Variants in CLDN16 observed in about 807,000 individuals in gnomAD.
The protein encoded by CLDN16 is claudin-16.
A neutral mutation model predicts 24.6 loss-of-function variants in CLDN16; 13 were observed. That is an observed-to-expected ratio of 0.53 (90% CI 0.34 to 0.84). The LOEUF is 0.84. Ranked by LOEUF, CLDN16 falls within the 40% of genes least tolerant of loss-of-function variation. CLDN16 has a pLI of 0.01. For missense variants in CLDN16, 298 were observed against 292.7 expected (o/e 1.02, Z -0.13); for synonymous variants, 116 against 106.7 (o/e 1.09, Z -0.54).
At chr3:190,305,840 AT>A in the CLDN16 span, 1 of 152,192 alleles carries the variant, frequency 6.6e-6, no homozygotes, top group Admixed American at 6.5e-5. Flanking sequence ...AATTGGATAA[AT>A]TCTATTGTAA....
chr3:190,317,482 A>C, the CLDN16 span, among the ~76,000 whole-genome samples: 2 of 152,226 alleles, frequency 1.3e-5, no homozygotes, highest in Non-Finnish European at 2.9e-5. Flanking sequence ...GATCTACTAC[A>C]CTTAGGTTAA....
At chr3:190,291,243 A>G in the CLDN16 span, among the ~76,000 whole-genome samples, 1 of 152,178 alleles carries the variant, frequency 6.6e-6, no homozygotes, top group African/African-American at 2.4e-5. Flanking sequence ...CAGAGAAACA[A>G]AAGGCCATGT....
intron 1 of CLDN16, 146 bp from the exon 2 acceptor site, chr3:190,402,191 C>T (rs1364673026): frequency 1.4e-6 from 1 of 711,396 alleles, no homozygotes; most frequent in Non-Finnish European, 2.6e-6. Context: ...TTCTAATACG[C>T]ATTGTTTGTT....
At chr3:190,308,307 A>G in the CLDN16 span, 1 of 1,613,756 alleles carries the variant, frequency 6.2e-7, no homozygotes, top group Non-Finnish European at 8.5e-7. Flanking sequence ...TGGAAGGTGC[A>G]GGTTTTGGAT....
chr3:190,402,833 C>G (rs1403385626), intron 2 of CLDN16, among the ~76,000 whole-genome samples: 3 of 152,018 alleles, frequency 2.0e-5, no homozygotes, highest in Admixed American at 6.6e-5. Context: ...TAAGCTATGA[C>G]TTAGTTCAAA....
At chr3:190,293,290 A>G in the CLDN16 span, among the ~76,000 whole-genome samples, 3 of 152,160 alleles carry the variant, frequency 2.0e-5, no homozygotes, top group Non-Finnish European at 2.9e-5. Flanking sequence ...CACCCCCATG[A>G]TCCTATCATC....
chr3:190,343,721 T>G (rs1470176420), intron 1 of CLDN16, among the ~76,000 whole-genome samples: 1 of 152,042 alleles, frequency 6.6e-6, no homozygotes, highest in African/African-American at 2.4e-5. Flanking sequence ...AAATATCACA[T>G]GACTTCACTT....
At chr3:190,363,447 T>C (rs1717943876) in intron 1 of CLDN16, among the ~76,000 whole-genome samples, 1 of 150,598 alleles carries the variant, frequency 6.6e-6, no homozygotes. Flanking sequence ...TATATGTAGG[T>C]TCACTTCTAC....
chr3:190,349,273 A>C (rs1198268469), intron 1 of CLDN16, among the ~76,000 whole-genome samples: 2 of 152,104 alleles, frequency 1.3e-5, no homozygotes, highest in Non-Finnish European at 2.9e-5. Context: ...AGTTCTCATA[A>C]GAGCTGGTTG....
intron 1 of CLDN16, among the ~76,000 whole-genome samples, chr3:190,364,197 C>T (rs1429975991): frequency 6.6e-6 from 1 of 151,660 alleles, no homozygotes; most frequent in Non-Finnish European, 1.5e-5. Context: ...GGAGATGTAG[C>T]AGTATTGCAG....
At chr3:190,350,151 A>T (rs1251457066) in intron 1 of CLDN16, among the ~76,000 whole-genome samples, 1 of 151,972 alleles carries the variant, frequency 6.6e-6, no homozygotes, top group Non-Finnish European at 1.5e-5. Context: ...ATGTCTTATG[A>T]AGATTCTAAG....
intron 1 of CLDN16, among the ~76,000 whole-genome samples, chr3:190,370,087 G>A (rs1386791576): frequency 6.6e-6 from 1 of 151,878 alleles, no homozygotes; most frequent in Non-Finnish European, 1.5e-5. Context: ...GCACTAAATG[G>A]GCCATTAGGA....
rs866541827 is a variant in CLDN16, at chr3:190,363,561, T to C, written n.122-7332T>C. Among the ~76,000 whole-genome samples the C allele has an allele frequency of 6.5e-3, 563 of 87,012 alleles. 29 individuals are homozygous for C. The highest frequency in any genetic ancestry group is 7.3e-3 in the Non-Finnish European group (295 of 40,622). 57.1% of individuals were successfully genotyped at this position (87,012 alleles called of 152,430 possible). On this transcript the variant is annotated intron_variant and non_coding_transcript_variant, in intron 1 of 4. Coordinates refer to the CLDN16 transcript ENST00000468220. ...CTGTGCGTGTGTGTGTGTGTGTATA[T>C]ATATATATATATATATATATATATA... is the stretch of plus-strand genomic sequence containing the variant.
chr3:190,350,862 T>G (rs943719823), intron 1 of CLDN16, among the ~76,000 whole-genome samples: 13 of 152,196 alleles, frequency 8.5e-5, no homozygotes, highest in African/African-American at 3.1e-4. Context: ...ACTTCTTTAG[T>G]CTATAGACAA....
chr3:190,323,094 T>C (rs911773158), intron 1 of CLDN16, among the ~76,000 whole-genome samples: 5 of 151,870 alleles, frequency 3.3e-5, no homozygotes, highest in African/African-American at 1.2e-4. Flanking sequence ...CCACTACATA[T>C]CAAGTTGACC....
intron 1 of CLDN16, among the ~76,000 whole-genome samples, chr3:190,365,591 A>G (rs1360235456): frequency 1.3e-5 from 2 of 149,140 alleles, no homozygotes; most frequent in Non-Finnish European, 1.5e-5. Context: ...CTCTAATACT[A>G]TTTTCCAGGA....
At chr3:190,308,580 G>T in the CLDN16 span, 3 of 823,262 alleles carry the variant, frequency 3.6e-6, no homozygotes, top group Non-Finnish European at 5.9e-6. Context: ...AGTACTTTAA[G>T]ATTTCTGAAC....
At chr3:190,306,278 T>G in the CLDN16 span, 1 of 152,218 alleles carries the variant, frequency 6.6e-6, no homozygotes, top group Non-Finnish European at 1.5e-5. Context: ...CGGGCCATAC[T>G]CACTGCAGAA....
upstream of CLDN16, among the ~76,000 whole-genome samples, chr3:190,385,070 C>G (rs1325076282): frequency 6.6e-6 from 1 of 152,098 alleles, no homozygotes; most frequent in African/African-American, 2.4e-5. Context: ...GTAAACCTCT[C>G]AAGGACTAGG....
Sources: allele counts gnomAD v4.1 joint callset (sites outside exome capture counted in the v4.1 genomes callset), GRCh38; gene constraint gnomAD v4.1.1; transcripts MANE v1.5; gene names NCBI Gene and HGNC (gene_info 2026-07-23, HGNC 2026-07-21).